Variants in EARS2 observed in about 807,000 individuals in gnomAD.
The protein encoded by EARS2 is glutamyl-tRNA synthetase 2, mitochondrial.
EARS2 carries 50 observed loss-of-function variants against 54.1 expected under a neutral mutation model. The observed-to-expected ratio is 0.92, with a 90% CI of 0.74 to 1.17. EARS2 has a LOEUF of 1.17. Ranked by LOEUF, EARS2 falls within the 50% of genes most tolerant of loss-of-function variation. EARS2 has a pLI of 0.00. For synonymous variants in EARS2, 298 were observed against 281.0 expected (o/e 1.06, Z -0.61); for missense variants, 673 against 675.0 (o/e 1.00, Z 0.03).
intron 1 of EARS2, chr16:23,553,102 T>G: frequency 3.0e-6 from 1 of 329,078 alleles, no homozygotes; most frequent in Non-Finnish European, 6.3e-6. Flanking sequence ...CACTCCAGCC[T>G]GGGCAGCAGT....
At chr16:23,534,723 G>A (rs1965383662) in intron 4 of EARS2, among the ~76,000 whole-genome samples, 165 bp downstream of exon 4, 1 of 152,188 alleles carries the variant, frequency 6.6e-6, no homozygotes, top group African/African-American at 2.4e-5. Context: ...ACTTAATGTG[G>A]TGTCTGGCAA....
At chr16:23,539,322 T>C (rs900547208) in intron 3 of EARS2, among the ~76,000 whole-genome samples, 5 of 152,214 alleles carry the variant, frequency 3.3e-5, no homozygotes, top group African/African-American at 1.2e-4. Context: ...GTTTATAAAC[T>C]TTTGGTTTGT....
At position 23,523,134 on chromosome 16, in the gene EARS2, C is replaced by G; in HGVS notation, c.*1237G>C. The G allele has an allele frequency of 6.6e-6, 1 of 152,254 alleles. No individual in the cohort carries two copies. Among genetic ancestry groups the G allele is most frequent in the Admixed American group, 6.5e-5 (1 of 15,280 alleles). The allele number at this position is 152,254 out of a possible 1,614,324, so 9.4% of individuals were successfully genotyped here. A position where few individuals can be genotyped will look rare whatever the true frequency, so the allele number is the denominator to read the frequency against. On this transcript the variant is annotated 3_prime_UTR_variant, in exon 9 of 9. Transcript: ENST00000449606. ...CTATTCAATGTGGGAAGGAACCACA[C>G]AAGGGTGTGAATAGAAGAAGGCAGG...
At chr16:23,554,171 G>A (rs951115648) in intron 1 of EARS2, among the ~76,000 whole-genome samples, 10 of 151,762 alleles carry the variant, frequency 6.6e-5, no homozygotes, top group African/African-American at 9.7e-5. Context: ...CACCATGCCC[G>A]GCTAATATTT....
At position 23,526,528 on chromosome 16, in the gene EARS2, T is replaced by TGCAG. The variant is rs1287728495; in HGVS notation, c.1353-1153_1353-1150dup. ...GGATCTAAAAAGAAACAGTTCTGCT[T>TGCAG]GCAGGCACAACAAAAAAGAAACTTA... On this transcript the variant is annotated intron_variant, in intron 7 of 8. Transcript: ENST00000449606. Among the ~76,000 whole-genome samples, 14 of 152,308 alleles carry TGCAG rather than the reference T, an allele frequency of 9.2e-5. No individual in the cohort carries two copies. The South Asian group carries it at 1.4e-3, about 16-fold the overall frequency.
At chr16:23,538,855 G>GA (rs1470210951) in intron 3 of EARS2, among the ~76,000 whole-genome samples, 1 of 151,288 alleles carries the variant, frequency 6.6e-6, no homozygotes, top group African/African-American at 2.4e-5. Flanking sequence ...ACCCTGTCTG[G>GA]AAAAAAAAGT....
chr16:23,535,263 C>A lies in EARS2; in HGVS notation c.583G>T (p.Val195Leu). 6.2e-7 allele frequency: 1 copy of A among 1,609,502 alleles called. No individual in the cohort carries two copies. Reference protein sequence around the residue: ...PAIRFRLEQVVPAFQDLVYGW... With the variant: ...PAIRFRLEQVLPAFQDLVYGW... The stretch of plus-strand genomic sequence containing the variant: ...TAGACCAGGTCCTGGAAGGCTGGCA[C>A]CACCTGCTCCAGGCGGAAGCGGATC... The change falls in exon 4 of 9, where the codon GTG becomes TTG. Residue 195 changes from valine (V) to leucine (L), a missense_variant. Physicochemically the swap from Val to Leu is conservative, Grantham distance 32. This residue lies in a region of EARS2 where 316 missense variants were observed against 275.2 expected (regional missense o/e 1.15). Transcript: ENST00000449606.
chr16:23,531,706 G>A (rs928123503), intron 5 of EARS2, among the ~76,000 whole-genome samples: 3 of 152,194 alleles, frequency 2.0e-5, no homozygotes, highest in Non-Finnish European at 4.4e-5. Flanking sequence ...TTAATTCTCT[G>A]GGCTCATGCA....
chr16:23,550,040 G>A (rs1166242865), intron 2 of EARS2, among the ~76,000 whole-genome samples: 1 of 152,036 alleles, frequency 6.6e-6, no homozygotes, highest in Non-Finnish European at 1.5e-5. Context: ...CTCCATACTG[G>A]TTATTATCAT....
chr16:23,557,062 C>G, intron 1 of EARS2, 143 bp downstream of exon 1: 1 of 1,278,116 alleles, frequency 7.8e-7, no homozygotes, highest in South Asian at 1.4e-5. Context: ...CAGTTTCCGC[C>G]TCTGTAAAAT....
chr16:23,528,125 C>T (rs1283181855), intron 7 of EARS2, among the ~76,000 whole-genome samples: 3 of 152,150 alleles, frequency 2.0e-5, no homozygotes, highest in African/African-American at 4.8e-5. Flanking sequence ...GACACTGAAT[C>T]GGCGGCACCT....
At chr16:23,531,711 C>A (rs939461140) in intron 5 of EARS2, among the ~76,000 whole-genome samples, 1 of 152,252 alleles carries the variant, frequency 6.6e-6, no homozygotes, top group Non-Finnish European at 1.5e-5. Flanking sequence ...TCTCTGGGCT[C>A]ATGCAAGTAA....
chr16:23,534,847 C>T (rs1197828251), intron 4 of EARS2, 41 bp downstream of exon 4: 4 of 1,501,838 alleles, frequency 2.7e-6, no homozygotes. Flanking sequence ...CTCCTCCTGG[C>T]CATGCTCTCT....
intron 1 of EARS2, among the ~76,000 whole-genome samples, chr16:23,554,052 C>T (rs1035764593): frequency 5.9e-5 from 9 of 152,144 alleles, no homozygotes; most frequent in Non-Finnish European, 1.3e-4. Flanking sequence ...CACTCTTGCC[C>T]AGGCTGAAGT....
intron 3 of EARS2, among the ~76,000 whole-genome samples, chr16:23,535,789 A>G (rs1597014217): frequency 6.6e-6 from 1 of 152,212 alleles, no homozygotes; most frequent in South Asian, 2.1e-4. Context: ...CCAAAGGACA[A>G]GAAGAGAAAG....
Position 23,521,931 on chromosome 16 carries a change from T to A in EARS2, c.*2440A>T. 8 of 411,920 alleles carry A rather than the reference T, an allele frequency of 1.9e-5. No individual in the cohort carries two copies. The highest frequency in any genetic ancestry group is 3.9e-5 in the Non-Finnish European group (8 of 203,628). 25.5% of individuals were successfully genotyped at this position (411,920 alleles called of 1,614,324 possible). A position where few individuals can be genotyped will look rare whatever the true frequency, so the allele number is the denominator to read the frequency against. On this transcript the variant is annotated 3_prime_UTR_variant, in exon 9 of 9. Coordinates refer to ENST00000449606, the MANE Select transcript of EARS2 (RefSeq NM_001083614.2). ...GAGTTTAAATCTTGGTTTTGCCTCG[T>A]ACTATAACCTCGGAAGTTTTAGTTA...
At chr16:23,526,110 C>CTTT (rs55859005) in intron 7 of EARS2, among the ~76,000 whole-genome samples, 1 of 119,992 alleles carries the variant, frequency 8.3e-6, no homozygotes, top group East Asian at 2.4e-4. Flanking sequence ...GAAATATTAC[C>CTTT]TTTTTTTTTT....
chr16:23,543,265 TA>T (rs535628139), intron 3 of EARS2, among the ~76,000 whole-genome samples: 39 of 146,246 alleles, frequency 2.7e-4, no homozygotes, highest in Admixed American at 4.8e-4. Context: ...ATGAAAAGTT[TA>T]AAAAAAAAAA....
At chr16:23,557,037 T>A (rs1255551547) in intron 1 of EARS2, 168 bp downstream of exon 1, 1 of 1,030,198 alleles carries the variant, frequency 9.7e-7, no homozygotes, top group Admixed American at 2.2e-5. Flanking sequence ...TTGAATTATT[T>A]CCGCTCCTGC....
Sources: gnomAD v4.1 joint callset for allele counts (sites outside exome capture counted in the v4.1 genomes callset) on GRCh38, gnomAD v4.1.1 for gene constraint, gnomAD v4.1.1 regional missense constraint, MANE v1.5 for transcripts, NCBI Gene and HGNC (gene_info 2026-07-23, HGNC 2026-07-21) for gene names.